USP53: variants seen among roughly 807,000 people sequenced by gnomAD.
The protein encoded by USP53 is ubiquitin carboxyl-terminal hydrolase 53.
USP53 carries 71 observed loss-of-function variants against 94.9 expected under a neutral mutation model. The ratio of observed to expected loss-of-function variants is 0.75; its 90% CI spans 0.62 to 0.91. The LOEUF is 0.91. Ranked by LOEUF, USP53 falls within the 40% of genes least tolerant of loss-of-function variation. USP53 has a pLI of 0.00. For missense variants in USP53, 1,173 were observed against 1,281.0 expected, an observed-to-expected ratio of 0.92 and a Z score of 1.29; for synonymous variants, 375 against 422.7, an observed-to-expected ratio of 0.89 and a Z score of 1.39.
rs923778811 is a variant in USP53, at chr4:119,293,823, G to A, written c.*612G>A. 1 of 65,148 alleles carries A rather than the reference G, an allele frequency of 1.5e-5. No homozygotes were observed. The highest frequency in any genetic ancestry group is 3.7e-5 in the Non-Finnish European group (1 of 26,742). 4.0% of individuals were successfully genotyped at this position (65,148 alleles called of 1,614,324 possible). A position where few individuals can be genotyped will look rare whatever the true frequency, so the allele number is the denominator to read the frequency against. Reference sequence around the variant, plus strand: ...GTCACTGCATATGATCCCTTTAAGTGTCTTTAAAAAAAATGACTTATGAAT... The same window carrying A: ...GTCACTGCATATGATCCCTTTAAGTATCTTTAAAAAAAATGACTTATGAAT... On this transcript the variant is annotated 3_prime_UTR_variant, in exon 19 of 19. Coordinates refer to ENST00000692078, the MANE Select transcript of USP53 (RefSeq NM_001371395.1).
intron 3 of USP53, among the ~76,000 whole-genome samples, chr4:119,221,941 C>T (rs555966016): frequency 2.0e-5 from 3 of 152,108 alleles, no homozygotes; most frequent in Non-Finnish European, 4.4e-5. Context: ...TACAATAGCA[C>T]CTTGTGCTTC....
intron 3 of USP53, among the ~76,000 whole-genome samples, chr4:119,228,960 A>T (rs912419572): frequency 1.2e-4 from 19 of 152,326 alleles, no homozygotes; most frequent in African/African-American, 4.6e-4. Flanking sequence ...GTAGATTTAG[A>T]TGAATAAAAG....
chr4:119,291,152 C>CA lies in USP53; in HGVS notation c.2252-12dup. ...TTTTCCTCATCTCTTCTCCCCACCC[C>CA]ACCCAACCCTAGGCTTTAGAAAAGA... On this transcript the variant is annotated splice_polypyrimidine_tract_variant and intron_variant, in intron 17 of 18. Coordinates refer to ENST00000692078, the MANE Select transcript of USP53 (RefSeq NM_001371395.1). 1 of 1,017,242 alleles carries CA rather than the reference C, an allele frequency of 9.8e-7. No individual in the cohort carries two copies. Among genetic ancestry groups the CA allele is most frequent in the Non-Finnish European group, 1.4e-6 (1 of 696,494 alleles). 63.0% of individuals were successfully genotyped at this position (1,017,242 alleles called of 1,614,324 possible). A position where few individuals can be genotyped will look rare whatever the true frequency, so the allele number is the denominator to read the frequency against.
rs193148586 is a variant in USP53 at position 119,235,412 on chromosome 4, G to A, written c.-543+1G>A. On this transcript the variant is annotated splice_donor_variant, in intron 4 of 18. Coordinates refer to ENST00000692078, the MANE Select transcript of USP53 (RefSeq NM_001371395.1). LOFTEE classifies it low-confidence loss of function (5UTR_SPLICE). ...GCTTCCTGAGTAGCTGAGATTACAG[G>A]TGTGTACAACTGTGCTTGGCTAATT... is the stretch of plus-strand genomic sequence containing the variant. 1 of 152,336 alleles carries A rather than the reference G, an allele frequency of 6.6e-6. No individual in the cohort carries two copies. Among genetic ancestry groups the A allele is most frequent in the Non-Finnish European group, 1.5e-5 (1 of 68,132 alleles). The allele number at this position is 152,336 out of a possible 1,614,324, so 9.4% of individuals were successfully genotyped here.
intron 17 of USP53, 26 bp from the exon 18 acceptor site, chr4:119,291,139 C>A: frequency 9.7e-7 from 1 of 1,030,332 alleles, no homozygotes; most frequent in South Asian, 1.8e-5. Flanking sequence ...TTCCTCATCT[C>A]TTCTCCCCAC....
intron 3 of USP53, among the ~76,000 whole-genome samples, chr4:119,228,448 A>G (rs1306302653): frequency 6.6e-6 from 1 of 152,230 alleles, no homozygotes; most frequent in Non-Finnish European, 1.5e-5. Context: ...AGGCCCAACC[A>G]GATAATCGCC....
intron 15 of USP53, 22 bp downstream of exon 15, chr4:119,269,859 T>C (rs1751630061): frequency 7.5e-7 from 1 of 1,331,206 alleles, no homozygotes; most frequent in African/African-American, 1.5e-5. Flanking sequence ...TCTTGTACTA[T>C]TGATTTTAAA....
At position 119,294,866 on chromosome 4, in the gene USP53, ATT is replaced by A. The variant is rs926086284; in HGVS notation, c.*1658_*1659del. ...TTAGAAATACTTGAATGCCAAATTA[ATT>A]TTGTTTTAAGAAAGCTTATTTTTAA... is the stretch of plus-strand genomic sequence containing the variant. On this transcript the variant is annotated 3_prime_UTR_variant, in exon 19 of 19. Coordinates refer to ENST00000692078, the MANE Select transcript of USP53 (RefSeq NM_001371395.1). 3 of 152,108 alleles carry A rather than the reference ATT, an allele frequency of 2.0e-5. No homozygotes were observed. The highest frequency in any genetic ancestry group is 2.9e-5 in the Non-Finnish European group (2 of 67,966). 9.4% of individuals were successfully genotyped at this position (152,108 alleles called of 1,614,324 possible).
At chr4:119,281,030 A>G (rs1199438696) in intron 17 of USP53, among the ~76,000 whole-genome samples, 1 of 152,248 alleles carries the variant, frequency 6.6e-6, no homozygotes, top group East Asian at 1.9e-4. Flanking sequence ...TGACTGCCAT[A>G]GTAGTTAAGA....
At chr4:119,278,213 T>G (rs1337808583) in intron 17 of USP53, among the ~76,000 whole-genome samples, 2 of 148,808 alleles carry the variant, frequency 1.3e-5, no homozygotes, top group Non-Finnish European at 3.0e-5. Context: ...CTTTACATTT[T>G]GGCATGATTT....
At chr4:119,286,986 G>A (rs905324230) in intron 17 of USP53, among the ~76,000 whole-genome samples, 3 of 151,968 alleles carry the variant, frequency 2.0e-5, no homozygotes, top group Non-Finnish European at 4.4e-5. Flanking sequence ...TTTTAAAAGT[G>A]TTATGAGTAT....
At chr4:119,232,743 A>G (rs1746229547) in intron 3 of USP53, among the ~76,000 whole-genome samples, 1 of 152,046 alleles carries the variant, frequency 6.6e-6, no homozygotes, top group Admixed American at 6.6e-5. Flanking sequence ...CTAGCATTTT[A>G]TTTATAATTT....
At chr4:119,285,133 C>T (rs1753939916) in intron 17 of USP53, among the ~76,000 whole-genome samples, 1 of 151,668 alleles carries the variant, frequency 6.6e-6, no homozygotes, top group Non-Finnish European at 1.5e-5. Context: ...GAGTAAGACC[C>T]TTTAGGCAGA....
intron 17 of USP53, among the ~76,000 whole-genome samples, chr4:119,274,549 A>ATAAACATAC (rs1194620498): frequency 6.6e-6 from 1 of 152,104 alleles, no homozygotes; most frequent in African/African-American, 2.4e-5. Context: ...TAATGCCGCA[A>ATAAACATAC]TAAACATACG....
At chr4:119,230,981 G>A (rs995041462) in intron 3 of USP53, among the ~76,000 whole-genome samples, 1 of 152,150 alleles carries the variant, frequency 6.6e-6, no homozygotes, top group African/African-American at 2.4e-5. Context: ...TATCTGCACA[G>A]CCCATGCAGG....
intron 18 of USP53, 143 bp from the exon 19 acceptor site, chr4:119,292,195 T>C (rs1177350075): frequency 1.1e-6 from 1 of 890,554 alleles, no homozygotes; most frequent in African/African-American, 1.7e-5. Flanking sequence ...GTTGCAAATA[T>C]CTTTCCATTT....
Position 119,271,739 on chromosome 4 carries a change from A to G in USP53, c.1879A>G (p.Asn627Asp), listed in dbSNP as rs925749350. The change falls in exon 16 of 19, where the codon AAT (asparagine) becomes GAT (aspartate). Residue 627 changes from asparagine (N) to aspartate (D), a missense_variant. Coordinates refer to ENST00000692078, the MANE Select transcript of USP53 (RefSeq NM_001371395.1). The part of the protein sequence containing the change: ...PKSSKDPSFS[N>D]WPKENPKQKG... ...ATCTAGCAAGGATCCGAGTTTTAGTAATTGGCCAAAAGAGAATCCAAAGCA... is the reference window on the plus strand; with the variant it reads ...ATCTAGCAAGGATCCGAGTTTTAGTGATTGGCCAAAAGAGAATCCAAAGCA... 1 of 1,613,998 alleles carries G rather than the reference A, an allele frequency of 6.2e-7. No homozygotes were observed. Among genetic ancestry groups the G allele is most frequent in the Non-Finnish European group, 8.5e-7 (1 of 1,180,032 alleles).
intron 7 of USP53, among the ~76,000 whole-genome samples, chr4:119,249,395 C>T (rs1748665139): frequency 6.6e-6 from 1 of 152,054 alleles, no homozygotes; most frequent in Non-Finnish European, 1.5e-5. Context: ...GTAGAGCATT[C>T]CTTTGATCAG....
In USP53 at chr4:119,291,234, T is replaced by A; in HGVS notation, c.2321T>A (p.Leu774Ter). The A allele has an allele frequency of 6.3e-7, 1 of 1,594,806 alleles. No individual in the cohort carries two copies. Among genetic ancestry groups the A allele is most frequent in the Non-Finnish European group, 8.5e-7 (1 of 1,171,604 alleles). The part of the protein sequence containing the change: ...KSHEFHPESH[L>*]QIKNHLIKRS... ...CATGAATTCCACCCAGAATCACATT[T>A]ACAAATAAAAAATCATTTGATAAAA... The change falls in exon 18 of 19, where the codon TTA (leucine) becomes TAA (stop). Residue 774 changes from leucine (L) to a stop codon, truncating the protein, a stop_gained. Transcript: ENST00000692078. LOFTEE classifies it low-confidence loss of function (END_TRUNC).
Sources: gnomAD v4.1 joint callset for allele counts (sites outside exome capture counted in the v4.1 genomes callset) on GRCh38, gnomAD v4.1.1 for gene constraint, MANE v1.5 for transcripts, NCBI Gene and HGNC (gene_info 2026-07-23, HGNC 2026-07-21) for gene names.